The following SEPTIN6 variants were observed in gnomAD, a reference collection of about 807,000 sequenced individuals.
SEPTIN6 encodes the protein septin 6, also known as septin-6.
SEPTIN6 carries 8 observed loss-of-function variants against 33.6 expected under a neutral mutation model. The ratio of observed to expected loss-of-function variants is 0.24; its 90% CI spans 0.14 to 0.43. The LOEUF (loss-of-function observed/expected upper bound fraction) is 0.43, where lower values mean the gene tolerates loss of function less well. Among genes scored for constraint, SEPTIN6 ranks in the 20% least tolerant of loss-of-function variants. The probability of loss-of-function intolerance (pLI) is 1.00; values close to 1 mark genes in which losing one functional copy is unlikely to be tolerated. For missense variants in SEPTIN6, 250 were observed against 340.8 expected, an observed-to-expected ratio of 0.73 and a Z score of 2.10; for synonymous variants, 131 against 140.0, an observed-to-expected ratio of 0.94 and a Z score of 0.45.
chrX:119,675,502 C>T, intron 2 of SEPTIN6, 52 bp downstream of exon 2: 2 of 725,264 alleles, frequency 2.8e-6, no homozygotes, highest in Non-Finnish European at 3.9e-6. Flanking sequence ...CCGTATCCAG[C>T]CATTAAGGAT....
chrX:119,685,578 T>G (rs1465704771), intron 1 of SEPTIN6, among the ~76,000 whole-genome samples: 1 of 111,772 alleles, frequency 8.9e-6, no homozygotes, highest in Non-Finnish European at 1.9e-5. Context: ...GGAAGTGACT[T>G]GGCTCACGTC....
intron 3 of SEPTIN6, among the ~76,000 whole-genome samples, chrX:119,659,182 C>A (rs1312879378): frequency 9.0e-6 from 1 of 111,372 alleles, no homozygotes; most frequent in Admixed American, 9.6e-5. Flanking sequence ...TATTTTTTTC[C>A]TAAATAGATG....
intron 9 of SEPTIN6, among the ~76,000 whole-genome samples, chrX:119,628,276 T>G (rs2053889994): frequency 1.0e-5 from 1 of 98,526 alleles, no homozygotes; most frequent in African/African-American, 4.1e-5. Context: ...GCAGCTAATT[T>G]CTGTATTTTT....
intron 1 of SEPTIN6, among the ~76,000 whole-genome samples, chrX:119,679,927 A>G (rs57888135): frequency 0.14 from 15,352 of 111,183 alleles, 833 homozygotes; most frequent in South Asian, 0.27. Flanking sequence ...TTGGGCAGAG[A>G]GAACAATCGC....
chrX:119,638,448 G>C (rs1339569563), intron 6 of SEPTIN6, among the ~76,000 whole-genome samples: 1 of 111,592 alleles, frequency 9.0e-6, no homozygotes, highest in Non-Finnish European at 1.9e-5. Context: ...TCGGATGGTG[G>C]TATTTGCCCT....
intron 2 of SEPTIN6, among the ~76,000 whole-genome samples, chrX:119,670,288 T>C (rs1404644129): frequency 9.0e-6 from 1 of 111,352 alleles, no homozygotes; most frequent in Non-Finnish European, 1.9e-5. Flanking sequence ...CCAGGTGTGG[T>C]GGCTCATGCC....
chrX:119,649,111 ATTTT>A (rs200217501), intron 5 of SEPTIN6, among the ~76,000 whole-genome samples: 40 of 75,692 alleles, frequency 5.3e-4, no homozygotes, highest in East Asian at 5.1e-3. Context: ...CATAACGCTG[ATTTT>A]TTTTTTTTTT....
intron 10 of SEPTIN6, among the ~76,000 whole-genome samples, chrX:119,624,872 G>T (rs943193564): frequency 9.0e-6 from 1 of 110,913 alleles, no homozygotes; most frequent in Admixed American, 9.7e-5. Flanking sequence ...ACCATGTCCG[G>T]CTAATTTTTT....
intron 3 of SEPTIN6, among the ~76,000 whole-genome samples, chrX:119,654,418 G>T (rs2054402659): frequency 9.0e-6 from 1 of 111,426 alleles, no homozygotes; most frequent in Admixed American, 9.6e-5. Context: ...CTGGCTGAGG[G>T]GGTGCCTCCC....
In SEPTIN6 at chrX:119,617,772, G is replaced by C. The variant is rs949039992; in HGVS notation, c.*2321C>G. ...CGGTCAAGTCCCTTCCCTTCTCTGG[G>C]CCTTCATTTCCCCTTACGGAGTAAG... On this transcript the variant is annotated 3_prime_UTR_variant, in exon 11 of 11. Coordinates refer to ENST00000394610, the MANE Select transcript of SEPTIN6 (RefSeq NM_145799.4). 1 of 772,951 alleles carries C rather than the reference G, an allele frequency of 1.3e-6. No homozygotes were observed. Among genetic ancestry groups the C allele is most frequent in the African/African-American group, 2.2e-5 (1 of 45,007 alleles). 63.7% of individuals were successfully genotyped at this position (772,951 alleles called of 1,213,427 possible).
rs773281135 is a variant in SEPTIN6 at position 119,629,366 on chromosome X, G to A, written c.1232C>T (p.Ser411Phe). Reference protein sequence around the residue: ...TAAELLQSQGSQAGGSQTLKR... With the variant: ...TAAELLQSQGFQAGGSQTLKR... ...CAGAGTCTGTGAGCCTCCAGCCTGG[G>A]AGCCCTGGGACTGGAGCAGCTCAGC... is the stretch of plus-strand genomic sequence containing the variant. The change falls in exon 9 of 11, where the codon TCC becomes TTC. Residue 411 changes from serine to phenylalanine, a missense_variant. By Grantham distance (155) the Ser-to-Phe change is radical. This residue lies in a region of SEPTIN6 where 139 missense variants were observed against 227.0 expected (regional missense o/e 0.61). Coordinates refer to ENST00000394610, the MANE Select transcript of SEPTIN6 (RefSeq NM_145799.4). The A allele has an allele frequency of 8.9e-5, 108 of 1,209,934 alleles. No homozygotes were observed. The South Asian group carries it at 1.8e-3, about 20-fold the overall frequency.
intron 1 of SEPTIN6, among the ~76,000 whole-genome samples, chrX:119,687,773 G>C (rs770148757): frequency 1.9e-4 from 21 of 112,083 alleles, no homozygotes; most frequent in Non-Finnish European, 3.0e-4. Context: ...AAAGGCAGTG[G>C]CCATGCTTGG....
At chrX:119,641,537 A>T (rs755466326) in intron 5 of SEPTIN6, among the ~76,000 whole-genome samples, 2 of 112,510 alleles carry the variant, frequency 1.8e-5, no homozygotes, top group Non-Finnish European at 3.8e-5. Flanking sequence ...TACCCTGTAC[A>T]TAGTAGGTGC....
intron 2 of SEPTIN6, among the ~76,000 whole-genome samples, chrX:119,668,312 C>CAGAGAGAGAG (rs761569775): frequency 2.5e-4 from 20 of 79,756 alleles, no homozygotes; most frequent in African/African-American, 1.2e-3. Flanking sequence ...AAAGGAAAGA[C>CAGAGAGAGAG]AGAGAGAGAG....
At chrX:119,683,943 T>C (rs1345657589) in intron 1 of SEPTIN6, among the ~76,000 whole-genome samples, 2 of 97,831 alleles carry the variant, frequency 2.0e-5, no homozygotes, top group Non-Finnish European at 4.4e-5. Flanking sequence ...ATAACTTCTT[T>C]TTTTTTTTTT....
intron 5 of SEPTIN6, among the ~76,000 whole-genome samples, chrX:119,644,777 C>T (rs892757756): frequency 1.8e-5 from 2 of 108,165 alleles, no homozygotes; most frequent in African/African-American, 3.4e-5. Flanking sequence ...ACCTGGGAGG[C>T]GGAGGTTGTG....
intron 1 of SEPTIN6, 128 bp downstream of exon 1, chrX:119,692,948 G>A (rs191655788): frequency 1.5e-6 from 1 of 678,617 alleles, no homozygotes; most frequent in Admixed American, 2.7e-5. Context: ...GGGAGCAGAA[G>A]TCCCACCGTG....
At chrX:119,677,671 G>C (rs56784245) in intron 1 of SEPTIN6, among the ~76,000 whole-genome samples, 17,607 of 111,640 alleles carry the variant, frequency 0.16, 1,195 homozygotes, top group South Asian at 0.41. Flanking sequence ...AAGGGGTGGG[G>C]TGTGAGGGTG....
intron 10 of SEPTIN6, chrX:119,624,157 G>GTTTTTTTTTTTTTTT: frequency 4.8e-6 from 1 of 207,279 alleles, no homozygotes; most frequent in Non-Finnish European, 9.2e-6. Context: ...TTTTTTTTTT[G>GTTTTTTTTTTTTTTT]TTTTTTTTTT....
Sources: allele counts gnomAD v4.1 joint callset (sites outside exome capture counted in the v4.1 genomes callset), GRCh38; gene constraint gnomAD v4.1.1; regional missense constraint gnomAD v4.1.1; transcripts MANE v1.5; gene names NCBI Gene and HGNC (gene_info 2026-07-23, HGNC 2026-07-21).